The following BCL11B variants were observed in gnomAD, a reference collection of about 807,000 sequenced individuals.
BCL11B encodes BCL11 transcription factor B, also known as B-cell lymphoma/leukemia 11B.
A neutral mutation model predicts 49.9 loss-of-function variants in BCL11B; 8 were observed. That is an observed-to-expected ratio of 0.16 (90% CI 0.09 to 0.29). BCL11B has a LOEUF of 0.29. Among genes scored for constraint, BCL11B ranks in the 10% least tolerant of loss-of-function variants. The pLI is 1.00. For missense variants in BCL11B, 1,006 were observed against 1,351.0 expected, an observed-to-expected ratio of 0.74 and a Z score of 4.00; for synonymous variants, 739 against 637.4, an observed-to-expected ratio of 1.16 and a Z score of -2.40.
At chr14:99,191,281 C>T (rs947275124) in intron 3 of BCL11B, among the ~76,000 whole-genome samples, 2 of 151,978 alleles carry the variant, frequency 1.3e-5, no homozygotes, top group African/African-American at 4.8e-5. Flanking sequence ...CTACGATGCA[C>T]AGGACATCTC....
At chr14:99,217,338 A>G (rs1041543750) in intron 3 of BCL11B, among the ~76,000 whole-genome samples, 11 of 150,690 alleles carry the variant, frequency 7.3e-5, no homozygotes, top group African/African-American at 2.7e-4. Context: ...GCATGCACAT[A>G]TATGCACATA....
intron 3 of BCL11B, among the ~76,000 whole-genome samples, chr14:99,191,965 C>G (rs1392497332): frequency 6.6e-6 from 1 of 152,146 alleles, no homozygotes; most frequent in Non-Finnish European, 1.5e-5. Context: ...GGAGGATGAC[C>G]ACGCAAGCTT....
At chr14:99,269,508 T>C (rs1409323344) in intron 1 of BCL11B, among the ~76,000 whole-genome samples, 1 of 118,388 alleles carries the variant, frequency 8.4e-6, no homozygotes, top group East Asian at 2.1e-4. Context: ...CCCACTTTAA[T>C]TTCTATTCCC....
intron 2 of BCL11B, among the ~76,000 whole-genome samples, chr14:99,246,620 G>C (rs1888849177): frequency 6.6e-6 from 1 of 152,224 alleles, no homozygotes; most frequent in Admixed American, 6.5e-5. Context: ...CCGCCCCCGC[G>C]GAGCTCTGCG....
chr14:99,211,618 C>G (rs1887691642), intron 3 of BCL11B, among the ~76,000 whole-genome samples: 1 of 152,194 alleles, frequency 6.6e-6, no homozygotes, highest in Non-Finnish European at 1.5e-5. Flanking sequence ...CATGCACAAA[C>G]ACACGTGCAC....
intron 2 of BCL11B, among the ~76,000 whole-genome samples, chr14:99,252,899 C>T (rs1889049112): frequency 6.6e-6 from 1 of 152,232 alleles, no homozygotes; most frequent in African/African-American, 2.4e-5. Context: ...TATGGAGGAA[C>T]CTGTAGGAAA....
In BCL11B at chr14:99,172,482, T is replaced by C. The variant is rs1886322830; in HGVS notation, c.*1669A>G. 1 of 207,768 alleles carries C rather than the reference T, an allele frequency of 4.8e-6. No individual in the cohort carries two copies. Among genetic ancestry groups the C allele is most frequent in the Non-Finnish European group, 9.8e-6 (1 of 101,810 alleles). 12.9% of individuals were successfully genotyped at this position (207,768 alleles called of 1,614,324 possible). A position where few individuals can be genotyped will look rare whatever the true frequency, so the allele number is the denominator to read the frequency against. On this transcript the variant is annotated 3_prime_UTR_variant, in exon 4 of 4. Coordinates refer to ENST00000357195, the MANE Select transcript of BCL11B (RefSeq NM_138576.4). ...TTTCTTGTTTTACTTTTTTAAAAAG[T>C]CTTTTCATTTCAAAAAAAAAGTTTT...
At chr14:99,178,967 G>A (rs2139768621) in intron 3 of BCL11B, among the ~76,000 whole-genome samples, 1 of 152,270 alleles carries the variant, frequency 6.6e-6, no homozygotes, top group South Asian at 2.1e-4. Flanking sequence ...GATCTGGGTG[G>A]CCACAGATTT....
rs946592086 is a variant in BCL11B, at chr14:99,213,708, A to G, written c.640+17637T>C. ...AGGGGAAGGCATAGAGTCCAGCGTC[A>G]GCCACACGTGTCCTAGCTCAGCGCA... On this transcript the variant is annotated intron_variant, in intron 3 of 3. Coordinates refer to ENST00000357195, the MANE Select transcript of BCL11B (RefSeq NM_138576.4). This position sits in a 1 kb window ranked among gnomAD's most constrained non-coding sequence, Gnocchi z 5.1. Among the ~76,000 whole-genome samples, 1 of 152,206 alleles carries G rather than the reference A, an allele frequency of 6.6e-6. No homozygotes were observed. The highest frequency in any genetic ancestry group is 1.5e-5 in the Non-Finnish European group (1 of 68,038).
At chr14:99,176,340 T>C (rs1886530406) in intron 3 of BCL11B, 145 bp from the exon 4 acceptor site, 1 of 772,320 alleles carries the variant, frequency 1.3e-6, no homozygotes, top group Non-Finnish European at 2.0e-6. Context: ...GCAGGGCCGC[T>C]TGCAAGCAGG....
intron 3 of BCL11B, among the ~76,000 whole-genome samples, chr14:99,188,477 T>G (rs1309922320): frequency 6.6e-6 from 1 of 152,052 alleles, no homozygotes; most frequent in Admixed American, 6.6e-5. Context: ...TTCTTTTCCT[T>G]TCTTTTGTTA....
Position 99,247,909 on chromosome 14 carries a change from G to C in BCL11B, c.427+9562C>G, listed in dbSNP as rs1888894448. ...CAGGGCAGGGGATGGGGGGAAAACA[G>C]CCCTGATCAAACATTGCCTTGGCTT... On this transcript the variant is annotated intron_variant, in intron 2 of 3. Transcript: ENST00000357195. This position sits in a 1 kb window ranked among gnomAD's most constrained non-coding sequence, Gnocchi z 4.5. Among the ~76,000 whole-genome samples the C allele has an allele frequency of 6.6e-6, 1 of 152,234 alleles. No individual in the cohort carries two copies.
At chr14:99,270,806 C>T (rs1889651366) in intron 1 of BCL11B, among the ~76,000 whole-genome samples, 1 of 149,300 alleles carries the variant, frequency 6.7e-6, no homozygotes, top group Admixed American at 6.6e-5. Flanking sequence ...ACCCCGCCAC[C>T]AGCGCCGCCG....
At position 99,271,303 on chromosome 14, in the gene BCL11B, G is replaced by T; in HGVS notation, c.-85C>A. ...AGGGGGTCCGAGCCGCCGCCGCGCC[G>T]CTGCCGCCGCTGCCGCCGCCGCCGC... is the stretch of plus-strand genomic sequence containing the variant. On this transcript the variant is annotated 5_prime_UTR_variant, in exon 1 of 4. Coordinates refer to ENST00000357195, the MANE Select transcript of BCL11B (RefSeq NM_138576.4). 1 of 841,664 alleles carries T rather than the reference G, an allele frequency of 1.2e-6. No individual in the cohort carries two copies. The highest frequency in any genetic ancestry group is 1.6e-6 in the Non-Finnish European group (1 of 640,476). 52.1% of individuals were successfully genotyped at this position (841,664 alleles called of 1,614,324 possible).
intron 2 of BCL11B, among the ~76,000 whole-genome samples, chr14:99,255,405 GAAAAAAAAAAAAAAAAAAA>G (rs67440207): frequency 1.5e-5 from 1 of 65,182 alleles, no homozygotes; most frequent in South Asian, 7.6e-4. Context: ...TCACAACCTG[GAAAAAAAAAAAAAAAAAAA>G]AAAAAAAAAA....
Position 99,232,351 on chromosome 14 carries a change from TTG to T in BCL11B, c.428-796_428-795del, listed in dbSNP as rs1280162066. 1.3e-5 allele frequency among the ~76,000 whole-genome samples: 2 copies of T among 152,230 alleles called. No homozygotes were observed. Among genetic ancestry groups the T allele is most frequent in the East Asian group, 3.8e-4 (2 of 5,196 alleles). ...CTCAGCTCCACAGCAAGGCCTGCAT[TTG>T]ATTTAGCCGTTTATCTTAAATGGCT... On this transcript the variant is annotated intron_variant, in intron 2 of 3. Coordinates refer to ENST00000357195, the MANE Select transcript of BCL11B (RefSeq NM_138576.4). This position sits in a 1 kb window ranked among gnomAD's most constrained non-coding sequence, Gnocchi z 5.1.
intron 3 of BCL11B, among the ~76,000 whole-genome samples, chr14:99,229,306 C>T (rs1404547952): frequency 6.6e-6 from 1 of 152,218 alleles, no homozygotes; most frequent in Non-Finnish European, 1.5e-5. Flanking sequence ...ATAGCAGGCC[C>T]TCCATACACA....
At chr14:99,181,502 C>T (rs1469601886) in intron 3 of BCL11B, among the ~76,000 whole-genome samples, 1 of 152,316 alleles carries the variant, frequency 6.6e-6, no homozygotes, top group African/African-American at 2.4e-5. Flanking sequence ...AGCCCCGCCT[C>T]GGCACACAGC....
In BCL11B at chr14:99,172,644, C is replaced by T. The variant is rs898522213; in HGVS notation, c.*1507G>A. 35 of 214,566 alleles carry T rather than the reference C, an allele frequency of 1.6e-4. No individual in the cohort carries two copies. Among genetic ancestry groups the T allele is most frequent in the African/African-American group, 7.0e-4 (31 of 44,250 alleles). The allele number at this position is 214,566 out of a possible 1,614,324, so 13.3% of individuals were successfully genotyped here. On this transcript the variant is annotated 3_prime_UTR_variant, in exon 4 of 4. Coordinates refer to ENST00000357195, the MANE Select transcript of BCL11B (RefSeq NM_138576.4). Reference sequence around the variant, plus strand: ...TAGTGCCAGTATTGTGAATGCCACGCTTAGCAATACTGACACTCAATCTCA... The same window carrying T: ...TAGTGCCAGTATTGTGAATGCCACGTTTAGCAATACTGACACTCAATCTCA...
Sources: allele counts gnomAD v4.1 joint callset (sites outside exome capture counted in the v4.1 genomes callset), GRCh38; gene constraint gnomAD v4.1.1; non-coding constraint Gnocchi (gnomAD v3.1); transcripts MANE v1.5; gene names NCBI Gene and HGNC (gene_info 2026-07-23, HGNC 2026-07-21).